Variants in CTTNBP2NL observed in about 807,000 individuals in gnomAD.
The protein encoded by CTTNBP2NL is CTTNBP2 N-terminal-like protein.
A neutral mutation model predicts 32.5 loss-of-function variants in CTTNBP2NL; 16 were observed. That is an observed-to-expected ratio of 0.49 (90% CI 0.33 to 0.75). The LOEUF (loss-of-function observed/expected upper bound fraction) is 0.75, where lower values mean the gene tolerates loss of function less well. CTTNBP2NL is among the 30% of genes least tolerant of loss of function. CTTNBP2NL has a pLI of 0.02. For synonymous variants in CTTNBP2NL, 298 were observed against 289.4 expected, an observed-to-expected ratio of 1.03 and a Z score of -0.30; for missense variants, 645 against 756.0, an observed-to-expected ratio of 0.85 and a Z score of 1.72.
At chr1:112,423,526 C>T (rs1649293939) in intron 3 of CTTNBP2NL, among the ~76,000 whole-genome samples, 1 of 148,994 alleles carries the variant, frequency 6.7e-6, no homozygotes, top group African/African-American at 2.6e-5. Context: ...AAATAAAAAC[C>T]CAGCCATAAT....
At chr1:112,403,927 C>T (rs1054701457) in intron 1 of CTTNBP2NL, among the ~76,000 whole-genome samples, 1 of 152,146 alleles carries the variant, frequency 6.6e-6, no homozygotes, top group Admixed American at 6.5e-5. Context: ...AATGATGACC[C>T]ATTGGAAAAG....
chr1:112,451,254 C>T (rs996988210), intron 4 of CTTNBP2NL, among the ~76,000 whole-genome samples: 1 of 151,378 alleles, frequency 6.6e-6, no homozygotes, highest in African/African-American at 2.4e-5. Context: ...AGTTATCTTA[C>T]ACCCCGCCTC....
intron 4 of CTTNBP2NL, among the ~76,000 whole-genome samples, chr1:112,452,658 T>TTTTTTTTTTTTTTTTTTTTG: frequency 6.7e-6 from 1 of 148,934 alleles, no homozygotes; most frequent in African/African-American, 2.5e-5. Context: ...TTTTTTTTTT[T>TTTTTTTTTTTTTTTTTTTTG]GAGACAAAGT....
intron 2 of CTTNBP2NL, 145 bp from the exon 3 acceptor site, chr1:112,416,012 A>G (rs1197836789): frequency 1.6e-5 from 9 of 578,414 alleles, no homozygotes; most frequent in South Asian, 2.1e-5. Flanking sequence ...TAACACCAGA[A>G]AACATATTTC....
intron 3 of CTTNBP2NL, among the ~76,000 whole-genome samples, chr1:112,443,304 C>T (rs1033623076): frequency 1.3e-5 from 2 of 152,188 alleles, no homozygotes; most frequent in African/African-American, 2.4e-5. Context: ...ACCTTTCCCT[C>T]CCAGGTTCAA....
intron 1 of CTTNBP2NL, among the ~76,000 whole-genome samples, chr1:112,401,796 T>A (rs1444976190): frequency 1.3e-5 from 2 of 152,190 alleles, no homozygotes; most frequent in Non-Finnish European, 2.9e-5. Flanking sequence ...TCTTTGCCAG[T>A]TATTTCCAAA....
chr1:112,437,074 C>T (rs1649757525), intron 3 of CTTNBP2NL, among the ~76,000 whole-genome samples: 1 of 152,142 alleles, frequency 6.6e-6, no homozygotes, highest in Admixed American at 6.5e-5. Context: ...TGTGTCTTTG[C>T]TATTGAGAAT....
chr1:112,430,178 TTTC>T (rs1406936064), intron 3 of CTTNBP2NL, among the ~76,000 whole-genome samples: 21 of 79,300 alleles, frequency 2.6e-4, no homozygotes, highest in South Asian at 5.7e-4. Flanking sequence ...TTTCTTTTCT[TTTC>T]TTTTCTTTTC....
intron 3 of CTTNBP2NL, among the ~76,000 whole-genome samples, chr1:112,443,690 C>T (rs1267611139): frequency 6.6e-6 from 1 of 152,176 alleles, no homozygotes; most frequent in Admixed American, 6.5e-5. Context: ...TCTTTACTGT[C>T]ATGTTTAATT....
At chr1:112,421,315 T>TTTTC (rs1557888573) in intron 3 of CTTNBP2NL, among the ~76,000 whole-genome samples, 1 of 41,794 alleles carries the variant, frequency 2.4e-5, no homozygotes, top group African/African-American at 5.5e-5. Context: ...CTTTTCTTTT[T>TTTTC]TTTTTTTTTT....
At chr1:112,412,828 A>C (rs955169670) in intron 2 of CTTNBP2NL, among the ~76,000 whole-genome samples, 9 of 152,072 alleles carry the variant, frequency 5.9e-5, no homozygotes, top group African/African-American at 1.2e-4. Flanking sequence ...CATGTTGGCC[A>C]GGCTGGTCTT....
intron 3 of CTTNBP2NL, among the ~76,000 whole-genome samples, chr1:112,416,537 C>T (rs1439592888): frequency 2.7e-5 from 4 of 149,248 alleles, no homozygotes; most frequent in South Asian, 2.1e-4. Flanking sequence ...GTCACTCTGT[C>T]GCCAGGCTGG....
rs115298882 is a variant in CTTNBP2NL at position 112,398,634 on chromosome 1, T to G, written c.-134+2362T>G. 6.0e-3 allele frequency among the ~76,000 whole-genome samples: 906 copies of G among 152,182 alleles called. 7 individuals are homozygous for G. Among genetic ancestry groups the G allele is most frequent in the African/African-American group, 0.02 (845 of 41,530 alleles). ...TTCCAGTGTCTTAAGTGACTAAAAT[T>G]TTGAATTTCTTATAAAGAAATATCT... On this transcript the variant is annotated intron_variant, in intron 1 of 5. Transcript: ENST00000271277.
chr1:112,399,120 C>A (rs1157650921), intron 1 of CTTNBP2NL, among the ~76,000 whole-genome samples: 1 of 151,702 alleles, frequency 6.6e-6, no homozygotes, highest in Non-Finnish European at 1.5e-5. Flanking sequence ...GAGTTCGAGA[C>A]CAGCCTGGCC....
At chr1:112,425,756 G>C (rs187285319) in intron 3 of CTTNBP2NL, among the ~76,000 whole-genome samples, 25 of 151,912 alleles carry the variant, frequency 1.6e-4, no homozygotes, top group Middle Eastern at 3.4e-3. Flanking sequence ...CCGGCTACTA[G>C]GGAGGCTGAG....
At chr1:112,413,351 T>C (rs996503690) in intron 2 of CTTNBP2NL, among the ~76,000 whole-genome samples, 1 of 152,246 alleles carries the variant, frequency 6.6e-6, no homozygotes, top group African/African-American at 2.4e-5. Flanking sequence ...TCTGCAGTTT[T>C]TGATAGTGCC....
intron 3 of CTTNBP2NL, among the ~76,000 whole-genome samples, chr1:112,445,405 A>G (rs181233438): frequency 7.2e-5 from 11 of 152,192 alleles, no homozygotes; most frequent in Admixed American, 3.3e-4. Context: ...TATTATTTAT[A>G]CTGTTAAACC....
intron 3 of CTTNBP2NL, among the ~76,000 whole-genome samples, chr1:112,422,415 C>G (rs1222626003): frequency 1.3e-5 from 2 of 152,028 alleles, no homozygotes; most frequent in Non-Finnish European, 2.9e-5. Flanking sequence ...TGTATTGTTT[C>G]TAATTTGGGA....
intron 1 of CTTNBP2NL, among the ~76,000 whole-genome samples, chr1:112,399,572 C>T (rs1460835870): frequency 6.6e-6 from 1 of 151,988 alleles, no homozygotes; most frequent in Non-Finnish European, 1.5e-5. Context: ...TGCAGTGCTA[C>T]CAGTTGATTT....
Sources: gnomAD v4.1 joint callset for allele counts (sites outside exome capture counted in the v4.1 genomes callset) on GRCh38, gnomAD v4.1.1 for gene constraint, MANE v1.5 for transcripts, NCBI Gene and HGNC (gene_info 2026-07-23, HGNC 2026-07-21) for gene names.